The following TTC29 variants were observed in gnomAD, a reference collection of about 807,000 sequenced individuals.
TTC29 encodes the protein tetratricopeptide repeat domain 29.
In TTC29, 49 loss-of-function variants were observed where a neutral mutation model predicts 58.1. The ratio of observed to expected loss-of-function variants is 0.84; its 90% CI spans 0.67 to 1.07. The LOEUF is 1.07. TTC29 is among the 50% of genes least tolerant of loss of function. The pLI is 0.00. For missense variants in TTC29, 582 were observed against 555.6 expected (o/e 1.05, Z -0.48); for synonymous variants, 209 against 196.8 (o/e 1.06, Z -0.52).
intron 11 of TTC29, among the ~76,000 whole-genome samples, chr4:146,792,525 A>G (rs545818680): frequency 1.3e-5 from 2 of 152,316 alleles, no homozygotes; most frequent in East Asian, 1.9e-4. Context: ...AAATGTATAC[A>G]GAGATTATAG....
intron 2 of TTC29, 45 bp downstream of exon 2, chr4:146,944,986 A>C (rs1736794630): frequency 6.6e-6 from 1 of 152,238 alleles, no homozygotes. Context: ...CACAAAATCA[A>C]GCAGGAAATG....
chr4:146,826,172 T>C (rs1427482250), intron 9 of TTC29, among the ~76,000 whole-genome samples: 1 of 152,220 alleles, frequency 6.6e-6, no homozygotes, highest in Non-Finnish European at 1.5e-5. Context: ...GTGGTTATTT[T>C]GCACACTAGT....
At chr4:146,940,682 C>T (rs528671064) in intron 2 of TTC29, among the ~76,000 whole-genome samples, 5 of 152,188 alleles carry the variant, frequency 3.3e-5, no homozygotes, top group African/African-American at 9.7e-5. Context: ...TGGGACTCAA[C>T]TGGGGCTATC....
At chr4:146,915,591 A>C (rs1013109567) in intron 4 of TTC29, among the ~76,000 whole-genome samples, 2 of 152,064 alleles carry the variant, frequency 1.3e-5, no homozygotes, top group East Asian at 3.8e-4. Flanking sequence ...TAAATATAAA[A>C]AAGATGAATA....
chr4:146,775,544 C>CTT (rs35456033), intron 11 of TTC29, among the ~76,000 whole-genome samples: 1 of 135,672 alleles, frequency 7.4e-6, no homozygotes, highest in Non-Finnish European at 1.6e-5. Context: ...GTTGAAATTT[C>CTT]TTTTTTTTTT....
intron 11 of TTC29, among the ~76,000 whole-genome samples, chr4:146,736,718 T>C (rs1394898846): frequency 6.6e-6 from 1 of 152,178 alleles, no homozygotes; most frequent in Non-Finnish European, 1.5e-5. Context: ...CATAAAATGA[T>C]CCTGAAACCT....
chr4:146,806,621 TA>T lies in TTC29; in HGVS notation c.1102-2937del, dbSNP rs201852371. Among the ~76,000 whole-genome samples the T allele has an allele frequency of 2.2e-3, 298 of 138,090 alleles. 2 individuals are homozygous for T. In the East Asian group the frequency reaches 0.034, roughly 16 times the overall value. 90.6% of individuals were successfully genotyped at this position (138,090 alleles called of 152,430 possible). ...AAAACAGACTTTAAACCAACAAAGA[TA>T]AAAAAAAAAAGACAAAGAAGGGCAC... is the stretch of plus-strand genomic sequence containing the variant. On this transcript the variant is annotated intron_variant, in intron 10 of 12. Transcript: ENST00000325106.
intron 4 of TTC29, among the ~76,000 whole-genome samples, chr4:146,930,637 A>G (rs998121515): frequency 6.6e-6 from 1 of 152,220 alleles, no homozygotes; most frequent in Non-Finnish European, 1.5e-5. Flanking sequence ...TTTTTTAGCC[A>G]TAATGGAGAC....
At chr4:146,899,664 G>C (rs556714259) in intron 6 of TTC29, among the ~76,000 whole-genome samples, 1 of 152,138 alleles carries the variant, frequency 6.6e-6, no homozygotes, top group African/African-American at 2.4e-5. Flanking sequence ...GGAGCTCTGC[G>C]TGGGGCTCTG....
chr4:146,942,705 G>GA, intron 2 of TTC29: 1 of 1,355,370 alleles, frequency 7.4e-7, no homozygotes, highest in Non-Finnish European at 1.0e-6. Flanking sequence ...TAAAAAGGGA[G>GA]AGAAGAAAAC....
intron 11 of TTC29, among the ~76,000 whole-genome samples, chr4:146,801,316 T>G (rs934948243): frequency 1.3e-5 from 2 of 152,206 alleles, no homozygotes; most frequent in Admixed American, 6.5e-5. Flanking sequence ...CCTACAGATT[T>G]TATTTTCCAA....
chr4:146,854,970 A>G (rs77459648), intron 8 of TTC29, among the ~76,000 whole-genome samples: 6,154 of 152,068 alleles, frequency 0.04, 195 homozygotes, highest in Non-Finnish European at 0.061. Context: ...CTCTTTTTCT[A>G]TTCTCGGCCA....
At chr4:146,882,879 G>A (rs954806748) in intron 6 of TTC29, among the ~76,000 whole-genome samples, 6 of 152,070 alleles carry the variant, frequency 3.9e-5, no homozygotes, top group Non-Finnish European at 7.4e-5. Context: ...AGTATGGAGG[G>A]AGAGAAATAA....
At chr4:146,787,209 A>C (rs560362695) in intron 11 of TTC29, among the ~76,000 whole-genome samples, 4 of 152,360 alleles carry the variant, frequency 2.6e-5, no homozygotes, top group Non-Finnish European at 1.5e-5. Flanking sequence ...GTGATGGTAC[A>C]TGAATAGCAT....
chr4:146,908,797 G>A (rs1255831558), intron 5 of TTC29, among the ~76,000 whole-genome samples: 1 of 152,218 alleles, frequency 6.6e-6, no homozygotes, highest in Admixed American at 6.5e-5. Context: ...GGTGCTATGT[G>A]TTGTCTTCCC....
chr4:146,827,567 G>C (rs1727891599), intron 9 of TTC29, among the ~76,000 whole-genome samples: 1 of 152,166 alleles, frequency 6.6e-6, no homozygotes, highest in Admixed American at 6.5e-5. Flanking sequence ...TTAGAAAGAT[G>C]TACGTTTGAA....
intron 11 of TTC29, among the ~76,000 whole-genome samples, chr4:146,764,557 C>T (rs891373897): frequency 6.6e-6 from 1 of 151,868 alleles, no homozygotes; most frequent in Admixed American, 6.6e-5. Flanking sequence ...AGAAAAAAAA[C>T]CTTAAAATAG....
At position 146,942,762 on chromosome 4, in the gene TTC29, G is replaced by A. The variant is rs539102899; in HGVS notation, c.-7+2269C>T. On this transcript the variant is annotated intron_variant, in intron 2 of 12. Transcript: ENST00000325106. ...GGCATTCCATCCTCTATAAATTTTA[G>A]ACTCTTTTCTAAAAGCCCCACTTTA... 14 of 690,806 alleles carry A rather than the reference G, an allele frequency of 2.0e-5. No individual in the cohort carries two copies. In the East Asian group the frequency reaches 3.1e-4, roughly 15 times the overall value. 42.8% of individuals were successfully genotyped at this position (690,806 alleles called of 1,614,324 possible).
At chr4:146,920,791 T>G (rs576216341) in intron 4 of TTC29, among the ~76,000 whole-genome samples, 1 of 151,048 alleles carries the variant, frequency 6.6e-6, no homozygotes, top group African/African-American at 2.4e-5. Flanking sequence ...ATGTCTTGGG[T>G]GAGAAATCTG....
Sources: gnomAD v4.1 joint callset for allele counts (sites outside exome capture counted in the v4.1 genomes callset) on GRCh38, gnomAD v4.1.1 for gene constraint, MANE v1.5 for transcripts, NCBI Gene and HGNC (gene_info 2026-07-23, HGNC 2026-07-21) for gene names.